The following ANKDD1B variants were observed in gnomAD, a reference collection of about 807,000 sequenced individuals.
ANKDD1B encodes ankyrin repeat and death domain containing 1B.
Under a neutral mutation model 59.7 loss-of-function variants are expected in ANKDD1B, and 57 were observed. The ratio of observed to expected loss-of-function variants is 0.95; its 90% CI spans 0.77 to 1.19. ANKDD1B has a LOEUF of 1.19. ANKDD1B is among the 50% of genes most tolerant of loss of function. The pLI, the probability that ANKDD1B is intolerant of heterozygous loss-of-function variation, is 0.00. For synonymous variants in ANKDD1B, 216 were observed against 239.5 expected, an observed-to-expected ratio of 0.90 and a Z score of 0.91; for missense variants, 602 against 641.9, an observed-to-expected ratio of 0.94 and a Z score of 0.67.
At chr5:75,620,477 C>A (rs1394428634) in intron 3 of ANKDD1B, 64 bp downstream of exon 3, 4 of 859,182 alleles carry the variant, frequency 4.7e-6, no homozygotes, top group Admixed American at 5.3e-5. Flanking sequence ...TCTGATCATT[C>A]CAGTTAGACA....
intron 3 of ANKDD1B, among the ~76,000 whole-genome samples, chr5:75,622,134 C>T (rs1430756132): frequency 6.6e-6 from 1 of 152,186 alleles, no homozygotes; most frequent in African/African-American, 2.4e-5. Context: ...TGCAAAGAGC[C>T]AACAGTTGAT....
intron 7 of ANKDD1B, among the ~76,000 whole-genome samples, chr5:75,641,082 G>C (rs1774449181): frequency 6.6e-6 from 1 of 152,226 alleles, no homozygotes; most frequent in South Asian, 2.1e-4. Context: ...TCAGCCTGGT[G>C]CAGGAAGAAG....
intron 7 of ANKDD1B, 115 bp from the exon 8 acceptor site, chr5:75,653,027 C>A: frequency 1.4e-6 from 1 of 730,024 alleles, no homozygotes; most frequent in Non-Finnish European, 2.4e-6. Flanking sequence ...TTAAGTGATG[C>A]ACGACTGTAG....
chr5:75,660,199 A>G (rs536536284), intron 10 of ANKDD1B, among the ~76,000 whole-genome samples: 1 of 152,340 alleles, frequency 6.6e-6, no homozygotes, highest in South Asian at 2.1e-4. Flanking sequence ...TTGGTCTCCA[A>G]AACTTTCATC....
At chr5:75,614,329 A>G (rs1387096628) in intron 1 of ANKDD1B, among the ~76,000 whole-genome samples, 2 of 152,210 alleles carry the variant, frequency 1.3e-5, no homozygotes, top group Non-Finnish European at 2.9e-5. Context: ...AATCTTTTGT[A>G]ATAGTCAGTA....
intron 5 of ANKDD1B, chr5:75,634,696 A>T (rs1164930739): frequency 4.1e-6 from 2 of 489,856 alleles, no homozygotes; most frequent in Non-Finnish European, 7.4e-6. Flanking sequence ...AACAGATTTC[A>T]TGCTGATGTG....
At chr5:75,644,378 G>T (rs1774580447) in intron 7 of ANKDD1B, among the ~76,000 whole-genome samples, 1 of 102,816 alleles carries the variant, frequency 9.7e-6, no homozygotes, top group Admixed American at 9.9e-5. Flanking sequence ...ACACACATAG[G>T]CTCAAAATAT....
Position 75,611,786 on chromosome 5 carries a change from G to T in ANKDD1B, c.152G>T (p.Gly51Val). 8.1e-7 allele frequency: 1 copy of T among 1,232,142 alleles called. No individual in the cohort carries two copies. Among genetic ancestry groups the T allele is most frequent in the Non-Finnish European group, 1.0e-6 (1 of 988,196 alleles). The allele number at this position is 1,232,142 out of a possible 1,614,324, so 76.3% of individuals were successfully genotyped here. A position where few individuals can be genotyped will look rare whatever the true frequency, so the allele number is the denominator to read the frequency against. ...RSLSRIPKRE[G>V]LGEEDTAVAG... The stretch of plus-strand genomic sequence containing the variant: ...CTGTCCCGGATCCCGAAGCGGGAGG[G>T]TCTTGGAGAGGAGGACACAGCAGTT... The change falls in exon 1 of 14, where the codon GGT becomes GTT. Residue 51 changes from glycine (G) to valine (V), a missense_variant. By Grantham distance (109) the Gly-to-Val change is moderately radical. Coordinates refer to ENST00000601380, the MANE Select transcript of ANKDD1B (RefSeq NM_001276713.2).
chr5:75,637,824 C>T (rs553036254), intron 7 of ANKDD1B, among the ~76,000 whole-genome samples: 10 of 151,936 alleles, frequency 6.6e-5, no homozygotes, highest in Admixed American at 3.9e-4. Flanking sequence ...TTTCTTATAG[C>T]GTCAGGGTCT....
intron 7 of ANKDD1B, among the ~76,000 whole-genome samples, chr5:75,648,460 T>G (rs1774718827): frequency 2.0e-5 from 3 of 151,982 alleles, no homozygotes; most frequent in Non-Finnish European, 2.9e-5. Flanking sequence ...TACACTGCCT[T>G]ACCCTTGTCC....
chr5:75,631,845 C>G (rs1313225944), intron 5 of ANKDD1B, among the ~76,000 whole-genome samples: 3 of 152,074 alleles, frequency 2.0e-5, no homozygotes, highest in African/African-American at 7.2e-5. Context: ...GTGGCTCACA[C>G]CTGTAATCCC....
At chr5:75,620,034 A>G (rs1039722538) in intron 2 of ANKDD1B, among the ~76,000 whole-genome samples, 1 of 152,228 alleles carries the variant, frequency 6.6e-6, no homozygotes, top group Non-Finnish European at 1.5e-5. Context: ...TTATATTGCT[A>G]CAACATAATG....
At chr5:75,632,043 G>T (rs1269165932) in intron 5 of ANKDD1B, among the ~76,000 whole-genome samples, 2 of 150,276 alleles carry the variant, frequency 1.3e-5, no homozygotes, top group East Asian at 3.9e-4. Flanking sequence ...GAAGGCAGAG[G>T]TTGCAATGAG....
intron 2 of ANKDD1B, among the ~76,000 whole-genome samples, chr5:75,617,582 C>A (rs1773746289): frequency 6.6e-6 from 1 of 152,014 alleles, no homozygotes; most frequent in African/African-American, 2.4e-5. Context: ...TTGCTTAGGA[C>A]AATTTGTGGA....
intron 3 of ANKDD1B, among the ~76,000 whole-genome samples, chr5:75,625,415 T>C (rs1773964211): frequency 6.6e-6 from 1 of 152,238 alleles, no homozygotes; most frequent in Non-Finnish European, 1.5e-5. Context: ...GAGTATGGTA[T>C]GATATAGCTT....
chr5:75,663,464 C>G lies in ANKDD1B; in HGVS notation c.1166C>G (p.Ala389Gly), dbSNP rs906663417. ...HSLVVGMLIK[A>G]ERYYAWREEH... Reference sequence around the variant, plus strand: ...CTTGTCGTGGGCATGCTCATTAAAGCAGAGAGATACTACGCCTGGAGAGAG... The same window carrying G: ...CTTGTCGTGGGCATGCTCATTAAAGGAGAGAGATACTACGCCTGGAGAGAG... The change falls in exon 11 of 14, where the codon GCA (alanine) becomes GGA (glycine). Residue 389 changes from alanine (A) to glycine (G), a missense_variant. Ala to Gly is a moderately conservative substitution (Grantham distance 60, BLOSUM62 0). Coordinates refer to ENST00000601380, the MANE Select transcript of ANKDD1B (RefSeq NM_001276713.2). The G allele has an allele frequency of 5.2e-6, 8 of 1,536,288 alleles. No homozygotes were observed. In the African/African-American group the frequency reaches 1.1e-4, roughly 21 times the overall value.
chr5:75,616,148 G>A (rs1029408327), intron 1 of ANKDD1B, among the ~76,000 whole-genome samples: 1 of 152,070 alleles, frequency 6.6e-6, no homozygotes, highest in African/African-American at 2.4e-5. Context: ...TCCTCTGAGA[G>A]CCCTCTACTC....
chr5:75,663,350 C>A, intron 10 of ANKDD1B, 44 bp from the exon 11 acceptor site: 1 of 1,399,576 alleles, frequency 7.1e-7, no homozygotes, highest in Non-Finnish European at 9.8e-7. Context: ...AGCTCCTAAT[C>A]ACTAGGCCAT....
chr5:75,627,894 A>G (rs569419877), intron 5 of ANKDD1B, among the ~76,000 whole-genome samples: 7 of 152,208 alleles, frequency 4.6e-5, no homozygotes, highest in African/African-American at 1.7e-4. Flanking sequence ...ACTCTTTTCA[A>G]CTGATTCTGG....
Sources: gnomAD v4.1 joint callset for allele counts (sites outside exome capture counted in the v4.1 genomes callset) on GRCh38, gnomAD v4.1.1 for gene constraint, MANE v1.5 for transcripts, NCBI Gene and HGNC (gene_info 2026-07-23, HGNC 2026-07-21) for gene names.